THSD4: variants seen among roughly 807,000 people sequenced by gnomAD.
The protein encoded by THSD4 is thrombospondin type 1 domain containing 4.
In THSD4, 69 loss-of-function variants were observed where a neutral mutation model predicts 119.0. That is an observed-to-expected ratio of 0.58 (90% CI 0.48 to 0.71). THSD4 has a LOEUF of 0.71. Ranked by LOEUF, THSD4 falls within the 30% of genes least tolerant of loss-of-function variation. The pLI, the probability that THSD4 is intolerant of heterozygous loss-of-function variation, is 0.00. For synonymous variants in THSD4, 524 were observed against 540.4 expected, an observed-to-expected ratio of 0.97 and a Z score of 0.42; for missense variants, 1,393 against 1,391.1, an observed-to-expected ratio of 1.00 and a Z score of -0.02.
At chr15:71,172,238 T>G (rs1460167752) in intron 3 of THSD4, 1 of 151,984 alleles carries the variant, frequency 6.6e-6, no homozygotes, top group Non-Finnish European at 1.5e-5. Flanking sequence ...GGCAGGGGAA[T>G]TGCTTGAACC....
chr15:71,673,584 G>A (rs1181344781), intron 8 of THSD4, among the ~76,000 whole-genome samples: 3 of 151,830 alleles, frequency 2.0e-5, no homozygotes, highest in Non-Finnish European at 2.9e-5. Context: ...GTGATGTTAG[G>A]GTGTCAATTT....
chr15:71,189,842 G>A (rs1471187769), intron 3 of THSD4, among the ~76,000 whole-genome samples: 1 of 152,142 alleles, frequency 6.6e-6, no homozygotes, highest in Non-Finnish European at 1.5e-5. Context: ...TCCACCCCTT[G>A]AGTGTCTGAT....
chr15:71,591,829 G>A (rs1442865401), intron 7 of THSD4, among the ~76,000 whole-genome samples: 1 of 152,034 alleles, frequency 6.6e-6, no homozygotes, highest in African/African-American at 2.4e-5. Flanking sequence ...AAGGCAGCAG[G>A]TAAATAGGTA....
intron 7 of THSD4, among the ~76,000 whole-genome samples, chr15:71,494,634 T>C (rs1159704309): frequency 6.6e-6 from 1 of 151,962 alleles, no homozygotes; most frequent in Non-Finnish European, 1.5e-5. Context: ...TTCTTTTAAG[T>C]TCTGTTTCAG....
chr15:71,263,690 A>C (rs889330176), intron 6 of THSD4, among the ~76,000 whole-genome samples: 1 of 152,110 alleles, frequency 6.6e-6, no homozygotes, highest in Non-Finnish European at 1.5e-5. Flanking sequence ...AGCCATACAG[A>C]CTCAGGTTCT....
chr15:71,519,112 T>C (rs2048401422), intron 7 of THSD4, among the ~76,000 whole-genome samples: 2 of 152,152 alleles, frequency 1.3e-5, no homozygotes, highest in South Asian at 4.1e-4. Flanking sequence ...ACTTTTGAAC[T>C]CAGACCTGAG....
chr15:71,218,555 T>TA (rs1431085848), intron 4 of THSD4, among the ~76,000 whole-genome samples: 1 of 152,206 alleles, frequency 6.6e-6, no homozygotes, highest in Non-Finnish European at 1.5e-5. Context: ...TGCAAGTTTT[T>TA]ATCATGCTCT....
chr15:71,191,385 C>T (rs1122453), intron 3 of THSD4, among the ~76,000 whole-genome samples: 25,261 of 152,136 alleles, frequency 0.17, 2,164 homozygotes, highest in Admixed American at 0.22. Flanking sequence ...GGCTGTTGGT[C>T]GCATTAAACT....
At chr15:71,451,955 G>A (rs1185427154) in intron 7 of THSD4, among the ~76,000 whole-genome samples, 1 of 152,154 alleles carries the variant, frequency 6.6e-6, no homozygotes, top group Non-Finnish European at 1.5e-5. Context: ...GTCACAGGGA[G>A]GCGACTCTTG....
chr15:71,141,523 G>GC lies in THSD4; in HGVS notation c.-4dup. On this transcript the variant is annotated 5_prime_UTR_variant, in exon 2 of 18. Transcript: ENST00000261862. ...GCCCTTGCTTTTGCCTGGACCCCCA[G>GC]CATCATGGTTTCCCATTTCATGGGG... 1 of 1,609,392 alleles carries GC rather than the reference G, an allele frequency of 6.2e-7. No homozygotes were observed. The highest frequency in any genetic ancestry group is 2.2e-5 in the East Asian group (1 of 44,866).
chr15:71,325,044 T>C (rs2045321187), intron 6 of THSD4, among the ~76,000 whole-genome samples: 1 of 152,234 alleles, frequency 6.6e-6, no homozygotes, highest in African/African-American at 2.4e-5. Flanking sequence ...TCATTTGCAT[T>C]GCCCTGATGA....
intron 7 of THSD4, among the ~76,000 whole-genome samples, chr15:71,424,885 A>G (rs780313139): frequency 2.0e-5 from 3 of 152,200 alleles, no homozygotes; most frequent in Non-Finnish European, 4.4e-5. Context: ...TTGAAAGAAC[A>G]GGGTCATGTG....
At chr15:71,584,146 A>G (rs2140854980) in intron 7 of THSD4, among the ~76,000 whole-genome samples, 1 of 151,632 alleles carries the variant, frequency 6.6e-6, no homozygotes, top group East Asian at 1.9e-4. Flanking sequence ...TTCCTTTATC[A>G]TCATATAATG....
chr15:71,259,875 A>C (rs2044369372), intron 6 of THSD4, among the ~76,000 whole-genome samples: 1 of 152,178 alleles, frequency 6.6e-6, no homozygotes, highest in Non-Finnish European at 1.5e-5. Context: ...ACATTTAGAG[A>C]AGAAGTGACC....
At chr15:71,701,064 CA>C (rs759259348) in intron 8 of THSD4, among the ~76,000 whole-genome samples, 17 of 152,132 alleles carry the variant, frequency 1.1e-4, no homozygotes, top group South Asian at 4.2e-4. Context: ...TTCTCTATGT[CA>C]AAAGACACTA....
chr15:71,536,941 G>A (rs919515653), intron 7 of THSD4, among the ~76,000 whole-genome samples: 18 of 152,218 alleles, frequency 1.2e-4, no homozygotes, highest in South Asian at 2.1e-4. Flanking sequence ...ACATCAAAAT[G>A]TTGTTAGTAT....
intron 7 of THSD4, among the ~76,000 whole-genome samples, chr15:71,581,627 T>TC (rs779631267): frequency 1.9e-5 from 2 of 104,684 alleles, no homozygotes; most frequent in Non-Finnish European, 4.5e-5. Context: ...TTTTTTCCTC[T>TC]TTTCTCCTGG....
intron 8 of THSD4, among the ~76,000 whole-genome samples, chr15:71,672,933 A>G (rs1309301124): frequency 6.6e-6 from 1 of 152,186 alleles, no homozygotes; most frequent in Non-Finnish European, 1.5e-5. Flanking sequence ...CATCAGGGAT[A>G]TTGGTCTAAA....
At chr15:71,456,435 G>C (rs1390838551) in intron 7 of THSD4, among the ~76,000 whole-genome samples, 1 of 152,178 alleles carries the variant, frequency 6.6e-6, no homozygotes, top group East Asian at 1.9e-4. Context: ...CATGATTCAT[G>C]GTGATGATGA....
Sources: allele counts gnomAD v4.1 joint callset (sites outside exome capture counted in the v4.1 genomes callset), GRCh38; gene constraint gnomAD v4.1.1; transcripts MANE v1.5; gene names NCBI Gene and HGNC (gene_info 2026-07-23, HGNC 2026-07-21).